Variants in ZNF438 observed in about 807,000 individuals in gnomAD.
ZNF438 encodes the protein zinc finger protein 438.
A neutral mutation model predicts 38.0 loss-of-function variants in ZNF438; 25 were observed. The observed-to-expected ratio is 0.66, with a 90% confidence interval of 0.48 to 0.92. ZNF438 has a LOEUF of 0.92. Among genes scored for constraint, ZNF438 ranks in the 40% least tolerant of loss-of-function variants. The pLI is 0.00. For missense variants in ZNF438, 1,007 were observed against 999.6 expected (o/e 1.01, Z -0.10); for synonymous variants, 372 against 364.1 (o/e 1.02, Z -0.25).
At chr10:30,969,825 T>C (rs2050546840) in intron 1 of ZNF438, among the ~76,000 whole-genome samples, 1 of 148,594 alleles carries the variant, frequency 6.7e-6, no homozygotes, top group African/African-American at 2.4e-5. Context: ...GGTAAGTTTT[T>C]ATTGTTTTTT....
chr10:30,902,701 C>T (rs1050214412), intron 3 of ZNF438, among the ~76,000 whole-genome samples: 6 of 152,212 alleles, frequency 3.9e-5, no homozygotes, highest in African/African-American at 1.4e-4. Flanking sequence ...TAGCTAGACA[C>T]AAAAGTTTTC....
At chr10:30,858,546 A>G (rs962504925) in intron 4 of ZNF438, among the ~76,000 whole-genome samples, 5 of 152,238 alleles carry the variant, frequency 3.3e-5, no homozygotes, top group Non-Finnish European at 7.3e-5. Flanking sequence ...ACTATGGAGC[A>G]TGCACTGTAA....
At chr10:30,920,593 C>CT (rs1377335667) in intron 2 of ZNF438, 1 of 152,174 alleles carries the variant, frequency 6.6e-6, no homozygotes, top group African/African-American at 2.4e-5. Context: ...GCAGTTTGAT[C>CT]TCCCTGGGAA....
intron 4 of ZNF438, chr10:30,875,574 T>C: frequency 1.0e-6 from 1 of 985,424 alleles, no homozygotes; most frequent in Non-Finnish European, 1.2e-6. Flanking sequence ...AGCTACCAAG[T>C]GCTGCACAAA....
At chr10:30,907,407 G>A (rs932153371) in intron 3 of ZNF438, among the ~76,000 whole-genome samples, 1 of 152,092 alleles carries the variant, frequency 6.6e-6, no homozygotes. Context: ...CTCTCCTCTT[G>A]TATTTTTTGG....
chr10:31,003,500 T>C (rs1357048051), intron 1 of ZNF438, among the ~76,000 whole-genome samples: 1 of 152,164 alleles, frequency 6.6e-6, no homozygotes, highest in African/African-American at 2.4e-5. Context: ...GTCTTCTCAT[T>C]CTGACCCACC....
At chr10:30,874,380 C>A (rs7898777) in intron 4 of ZNF438, among the ~76,000 whole-genome samples, 9,953 of 151,788 alleles carry the variant, frequency 0.066, 1,011 homozygotes, top group African/African-American at 0.23. Context: ...TAACTCCTGG[C>A]CTCAAGTTAT....
intron 5 of ZNF438, among the ~76,000 whole-genome samples, chr10:30,847,655 C>T (rs763853845): frequency 6.6e-6 from 1 of 152,168 alleles, no homozygotes; most frequent in Non-Finnish European, 1.5e-5. Flanking sequence ...GTCCTGGGAG[C>T]CCCCTGAGCC....
chr10:30,873,997 TTTAA>T (rs980265333), intron 4 of ZNF438, among the ~76,000 whole-genome samples: 26 of 151,978 alleles, frequency 1.7e-4, no homozygotes, highest in African/African-American at 6.0e-4. Flanking sequence ...TCAATCTGCA[TTTAA>T]TTAATAAATA....
At chr10:30,981,383 C>T (rs1279240419) in intron 1 of ZNF438, among the ~76,000 whole-genome samples, 1 of 152,164 alleles carries the variant, frequency 6.6e-6, no homozygotes, top group Non-Finnish European at 1.5e-5. Flanking sequence ...AACATGACAG[C>T]ATTTCCTGGG....
intron 2 of ZNF438, among the ~76,000 whole-genome samples, chr10:30,937,864 A>G (rs2046412052): frequency 6.6e-6 from 1 of 152,232 alleles, no homozygotes; most frequent in Non-Finnish European, 1.5e-5. Context: ...CCTGTCTCAG[A>G]AACCTCTATA....
At chr10:31,006,801 G>T (rs2055181211) in intron 1 of ZNF438, among the ~76,000 whole-genome samples, 1 of 150,612 alleles carries the variant, frequency 6.6e-6, no homozygotes, top group African/African-American at 2.4e-5. Context: ...TCCCACACGT[G>T]TGATTACAAA....
chr10:30,887,679 C>G (rs752409509), intron 3 of ZNF438, among the ~76,000 whole-genome samples: 1 of 152,314 alleles, frequency 6.6e-6, no homozygotes, highest in African/African-American at 2.4e-5. Context: ...TGAGCCACCG[C>G]GCCCGGCCTA....
chr10:30,870,066 G>A (rs1296591162), intron 4 of ZNF438, among the ~76,000 whole-genome samples: 2 of 152,088 alleles, frequency 1.3e-5, no homozygotes, highest in African/African-American at 4.8e-5. Flanking sequence ...AATTTATAAT[G>A]CACAAAGTCA....
At chr10:30,891,671 T>C (rs2040701991) in intron 3 of ZNF438, among the ~76,000 whole-genome samples, 1 of 152,180 alleles carries the variant, frequency 6.6e-6, no homozygotes, top group Admixed American at 6.5e-5. Context: ...GAAACACTGA[T>C]TTCCAATATT....
At chr10:30,916,823 T>G (rs985722389) in intron 2 of ZNF438, among the ~76,000 whole-genome samples, 1 of 152,056 alleles carries the variant, frequency 6.6e-6, no homozygotes, top group African/African-American at 2.4e-5. Flanking sequence ...TGGAGTTGCT[T>G]GGTTGATATA....
At chr10:30,955,558 T>A (rs1163853872) in intron 1 of ZNF438, among the ~76,000 whole-genome samples, 1 of 152,216 alleles carries the variant, frequency 6.6e-6, no homozygotes, top group African/African-American at 2.4e-5. Context: ...AAAGGTCATG[T>A]AGACTTAGCC....
intron 2 of ZNF438, among the ~76,000 whole-genome samples, chr10:30,938,171 C>G (rs117388140): frequency 0.016 from 2,452 of 152,224 alleles, 37 homozygotes; most frequent in Non-Finnish European, 0.019. Flanking sequence ...ATTGTTTCAG[C>G]CAACATGAAT....
intron 3 of ZNF438, among the ~76,000 whole-genome samples, chr10:30,890,647 C>T (rs2040565295): frequency 6.6e-6 from 1 of 152,178 alleles, no homozygotes; most frequent in African/African-American, 2.4e-5. Flanking sequence ...TCTGATGCAA[C>T]TAGAATAATC....
Sources: gnomAD v4.1 joint callset for allele counts (sites outside exome capture counted in the v4.1 genomes callset) on GRCh38, gnomAD v4.1.1 for gene constraint, MANE v1.5 for transcripts, NCBI Gene and HGNC (gene_info 2026-07-23, HGNC 2026-07-21) for gene names.